ARSG: variants seen among roughly 807,000 people sequenced by gnomAD.
ARSG encodes arylsulfatase G, also known as ASG.
In ARSG, 37 loss-of-function variants were observed where a neutral mutation model predicts 50.5. That is an observed-to-expected ratio of 0.73 (90% CI 0.56 to 0.96). ARSG has a LOEUF of 0.96. Ranked by LOEUF, ARSG falls within the 50% of genes least tolerant of loss-of-function variation. ARSG has a pLI of 0.00. For synonymous variants in ARSG, 225 were observed against 254.6 expected (o/e 0.88, Z 1.11); for missense variants, 629 against 675.3 (o/e 0.93, Z 0.76).
intron 10 of ARSG, among the ~76,000 whole-genome samples, chr17:68,396,636 AC>A (rs2081260893): frequency 6.6e-6 from 1 of 152,086 alleles, no homozygotes; most frequent in African/African-American, 2.4e-5. Flanking sequence ...CATGGAAGTG[AC>A]TCAAATGTAC....
chr17:68,300,933 A>T (rs1416264082), intron 1 of ARSG, among the ~76,000 whole-genome samples: 1 of 151,896 alleles, frequency 6.6e-6, no homozygotes, highest in Non-Finnish European at 1.5e-5. Flanking sequence ...CCTGGCTAAC[A>T]TGGTGAAACC....
chr17:68,350,205 C>G (rs1248358855), intron 4 of ARSG, among the ~76,000 whole-genome samples: 1 of 152,114 alleles, frequency 6.6e-6, no homozygotes, highest in Non-Finnish European at 1.5e-5. Context: ...AAGCATGAGG[C>G]TCACAGGGAA....
the ARSG span, among the ~76,000 whole-genome samples, chr17:68,435,962 GCA>G: frequency 5.3e-5 from 8 of 152,374 alleles, no homozygotes; most frequent in East Asian, 1.5e-3. Context: ...AGCACCTGAT[GCA>G]GTGTGATGCC....
At chr17:68,287,130 T>A (rs1327497344), upstream of ARSG, among the ~76,000 whole-genome samples, 3 of 152,122 alleles carry the variant, frequency 2.0e-5, no homozygotes, top group African/African-American at 7.2e-5. Flanking sequence ...ATTACAGGCA[T>A]GCGCCACCAT....
chr17:68,373,166 G>A (rs1002509277), intron 8 of ARSG, among the ~76,000 whole-genome samples: 3 of 151,882 alleles, frequency 2.0e-5, no homozygotes, highest in African/African-American at 7.3e-5. Context: ...ACCTGCCTCG[G>A]CCTCCCAAAG....
chr17:68,371,316 C>CAAAAAA (rs35873473), intron 8 of ARSG, among the ~76,000 whole-genome samples: 1 of 86,172 alleles, frequency 1.2e-5, no homozygotes, highest in African/African-American at 4.6e-5. Flanking sequence ...GACTCCGTCT[C>CAAAAAA]AAAAAAAAAA....
At chr17:68,380,567 C>G (rs187032165) in intron 8 of ARSG, among the ~76,000 whole-genome samples, 6 of 152,238 alleles carry the variant, frequency 3.9e-5, no homozygotes, top group Admixed American at 3.3e-4. Context: ...CTGTGCCTGG[C>G]CAGGATTTTC....
chr17:68,344,498 T>G (rs1213117923), intron 3 of ARSG, among the ~76,000 whole-genome samples: 2 of 152,252 alleles, frequency 1.3e-5, no homozygotes, highest in Admixed American at 1.3e-4. Context: ...GCATTTATTA[T>G]GTGCTAGGCA....
In ARSG at chr17:68,269,920, G is replaced by A. The variant is rs1420520597; in HGVS notation, c.-552+10494G>A. Among the ~76,000 whole-genome samples the A allele has an allele frequency of 5.3e-5, 8 of 151,960 alleles. No individual in the cohort carries two copies. In the East Asian group the frequency reaches 1.4e-3, roughly 26 times the overall value. On this transcript the variant is annotated intron_variant, in intron 1 of 11. Coordinates refer to the ARSG transcript ENST00000448504. ...ACTCCTGACCTCAAATGATCCGCCC[G>A]CCTCATCCTCCCAAAGTGTTGGGAT...
chr17:68,276,784 C>A (rs1599523526), intron 1 of ARSG, among the ~76,000 whole-genome samples: 1 of 152,016 alleles, frequency 6.6e-6, no homozygotes, highest in East Asian at 1.9e-4. Flanking sequence ...GTTCAACAGC[C>A]CTTTTCTCTT....
At position 68,347,125 on chromosome 17, in the gene ARSG, G is replaced by A; in HGVS notation, c.407G>A (p.Gly136Asp). ...QQAGYVTGII[G>D]KWHLGHHGSY... ...AAATCTCTCTTATGTTTTTCTACAG[G>A]CAAATGGCATCTTGGACACCACGGC... The change falls in exon 4 of 12, where the codon GGC (glycine) becomes GAC (aspartate). Residue 136 changes from glycine to aspartate, a missense_variant and splice_region_variant. Coordinates refer to ENST00000621439, the MANE Select transcript of ARSG (RefSeq NM_001267727.2). 6.2e-7 allele frequency: 1 copy of A among 1,613,968 alleles called. No homozygotes were observed. The highest frequency in any genetic ancestry group is 1.1e-5 in the South Asian group (1 of 91,074).
intron 2 of ARSG, among the ~76,000 whole-genome samples, chr17:68,313,623 A>T (rs1715265239): frequency 6.6e-6 from 1 of 151,468 alleles, no homozygotes; most frequent in Non-Finnish European, 1.5e-5. Context: ...TTGATATGAA[A>T]TTGAGGGGAA....
intron 10 of ARSG, chr17:68,401,032 T>C: frequency 4.3e-6 from 1 of 230,148 alleles, no homozygotes; most frequent in South Asian, 7.8e-5. Flanking sequence ...TTATTTTCTT[T>C]TGCTGTTTCG....
At chr17:68,343,186 C>T (rs536268011) in intron 2 of ARSG, among the ~76,000 whole-genome samples, 7 of 152,000 alleles carry the variant, frequency 4.6e-5, no homozygotes, top group South Asian at 2.1e-4. Flanking sequence ...GATGGAGTCT[C>T]GCTCCTGTCA....
intron 2 of ARSG, among the ~76,000 whole-genome samples, chr17:68,316,502 A>T (rs2077075691): frequency 6.6e-6 from 1 of 152,208 alleles, no homozygotes; most frequent in Non-Finnish European, 1.5e-5. Flanking sequence ...ACGTACTTGG[A>T]TTCCTGGATC....
intron 5 of ARSG, among the ~76,000 whole-genome samples, chr17:68,353,274 G>A (rs1568509163): frequency 1.3e-5 from 2 of 151,966 alleles, no homozygotes; most frequent in South Asian, 2.1e-4. Context: ...GCTGGAAAGA[G>A]GTAGGAATGG....
downstream of ARSG, chr17:68,424,307 C>T (rs763276694): frequency 3.8e-5 from 16 of 421,962 alleles, no homozygotes; most frequent in East Asian, 4.4e-4. Context: ...CCCGCAGAGC[C>T]GATGTGGGAA....
At chr17:68,394,338 A>G (rs1426525920) in intron 9 of ARSG, among the ~76,000 whole-genome samples, 1 of 152,042 alleles carries the variant, frequency 6.6e-6, no homozygotes, top group African/African-American at 2.4e-5. Context: ...GCAGTGGCTC[A>G]TGTCTGCAAT....
the ARSG span, chr17:68,433,610 G>A: frequency 1.3e-6 from 2 of 1,552,334 alleles, no homozygotes; most frequent in South Asian, 1.1e-5. Flanking sequence ...CAGTGAGCAA[G>A]AGAAATGGGA....
Sources: gnomAD v4.1 joint callset for allele counts (sites outside exome capture counted in the v4.1 genomes callset) on GRCh38, gnomAD v4.1.1 for gene constraint, MANE v1.5 for transcripts, NCBI Gene and HGNC (gene_info 2026-07-23, HGNC 2026-07-21) for gene names.